The following CACNA2D3 variants were observed in gnomAD, a reference collection of about 807,000 sequenced individuals.
CACNA2D3 encodes calcium voltage-gated channel auxiliary subunit alpha2delta 3.
CACNA2D3 carries 60 observed loss-of-function variants against 160.6 expected under a neutral mutation model. The ratio of observed to expected loss-of-function variants is 0.37; its 90% CI spans 0.30 to 0.46. CACNA2D3 has a LOEUF of 0.46. Ranked by LOEUF, CACNA2D3 falls within the 20% of genes least tolerant of loss-of-function variation. The probability of loss-of-function intolerance (pLI) is 1.00; values close to 1 mark genes in which losing one functional copy is unlikely to be tolerated. For synonymous variants in CACNA2D3, 558 were observed against 492.9 expected, an observed-to-expected ratio of 1.13 and a Z score of -1.75; for missense variants, 1,205 against 1,365.0, an observed-to-expected ratio of 0.88 and a Z score of 1.85.
chr3:54,387,048 A>C (rs1297105715), intron 4 of CACNA2D3, among the ~76,000 whole-genome samples: 1 of 152,226 alleles, frequency 6.6e-6, no homozygotes, highest in Non-Finnish European at 1.5e-5. Flanking sequence ...CGGTCAACTG[A>C]CAATAATCAC....
chr3:54,939,213 G>C (rs773487944), intron 27 of CACNA2D3, among the ~76,000 whole-genome samples: 1 of 152,092 alleles, frequency 6.6e-6, no homozygotes, highest in Non-Finnish European at 1.5e-5. Context: ...TGCTTTACCT[G>C]GAAATGATCA....
chr3:55,038,554 A>G (rs1188710153), intron 35 of CACNA2D3, among the ~76,000 whole-genome samples: 1 of 152,122 alleles, frequency 6.6e-6, no homozygotes, highest in Non-Finnish European at 1.5e-5. Flanking sequence ...ACATATTAAT[A>G]TGCACTCACA....
intron 3 of CACNA2D3, among the ~76,000 whole-genome samples, chr3:54,362,663 G>A (rs530978276): frequency 2.6e-5 from 4 of 152,268 alleles, no homozygotes; most frequent in South Asian, 2.1e-4. Context: ...ATCCAGTGCC[G>A]ACAAAGCAGG....
At chr3:54,917,432 A>G (rs925060214) in intron 27 of CACNA2D3, among the ~76,000 whole-genome samples, 1 of 152,086 alleles carries the variant, frequency 6.6e-6, no homozygotes, top group African/African-American at 2.4e-5. Flanking sequence ...TCTTACTCCT[A>G]TCCCAGTGTG....
intron 11 of CACNA2D3, among the ~76,000 whole-genome samples, chr3:54,656,729 C>A (rs1395065712): frequency 1.3e-5 from 2 of 152,242 alleles, no homozygotes; most frequent in Non-Finnish European, 2.9e-5. Context: ...CTTCCCAATT[C>A]TCAGATGGAT....
intron 29 of CACNA2D3, among the ~76,000 whole-genome samples, chr3:54,970,761 C>G (rs1410731362): frequency 6.6e-6 from 1 of 151,374 alleles, no homozygotes; most frequent in Non-Finnish European, 1.5e-5. Context: ...CCATCCCATA[C>G]CCTCTGCCCC....
At chr3:54,687,545 G>C (rs1700490451) in intron 11 of CACNA2D3, among the ~76,000 whole-genome samples, 1 of 152,064 alleles carries the variant, frequency 6.6e-6, no homozygotes, top group African/African-American at 2.4e-5. Flanking sequence ...TTGATCTTCT[G>C]AAAGCTAGGT....
intron 4 of CACNA2D3, among the ~76,000 whole-genome samples, chr3:54,459,080 T>C (rs1341357407): frequency 6.6e-6 from 1 of 152,180 alleles, no homozygotes; most frequent in Non-Finnish European, 1.5e-5. Context: ...ATTTCATCCA[T>C]GTCCCTACAA....
At chr3:55,040,446 A>T (rs1559471350) in intron 35 of CACNA2D3, among the ~76,000 whole-genome samples, 1 of 152,206 alleles carries the variant, frequency 6.6e-6, no homozygotes, top group Non-Finnish European at 1.5e-5. Flanking sequence ...ATGACTCAGT[A>T]TTGTTTAAGA....
chr3:54,303,818 G>GTTTTTTGTTTTTTGTTT (rs59534343), intron 2 of CACNA2D3, among the ~76,000 whole-genome samples: 1 of 115,006 alleles, frequency 8.7e-6, no homozygotes, highest in African/African-American at 3.4e-5. Flanking sequence ...CTTTTTTTCT[G>GTTTTTTGTTTTTTGTTT]TTTTTTTTTT....
At chr3:54,849,751 G>T (rs1277718214) in intron 17 of CACNA2D3, among the ~76,000 whole-genome samples, 1 of 152,200 alleles carries the variant, frequency 6.6e-6, no homozygotes, top group African/African-American at 2.4e-5. Flanking sequence ...GTGAGTGTGA[G>T]TGTGGGGTTG....
chr3:54,635,599 T>G (rs1699353054), intron 10 of CACNA2D3, among the ~76,000 whole-genome samples: 1 of 152,012 alleles, frequency 6.6e-6, no homozygotes, highest in Non-Finnish European at 1.5e-5. Context: ...GGCTGTACCT[T>G]GTAGCATTCC....
intron 10 of CACNA2D3, 138 bp downstream of exon 10, chr3:54,628,014 T>C: frequency 1.5e-6 from 1 of 660,072 alleles, no homozygotes; most frequent in Non-Finnish European, 2.7e-6. Flanking sequence ...GGGCGGATCA[T>C]GAGGTCAGGA....
At chr3:54,942,462 C>A (rs147135877) in intron 27 of CACNA2D3, among the ~76,000 whole-genome samples, 6 of 152,326 alleles carry the variant, frequency 3.9e-5, no homozygotes, top group African/African-American at 1.2e-4. Context: ...AATCTTGAGG[C>A]TGGGACCTTG....
chr3:55,038,488 C>A (rs1340486093), intron 35 of CACNA2D3, among the ~76,000 whole-genome samples: 1 of 152,060 alleles, frequency 6.6e-6, no homozygotes, highest in Admixed American at 6.6e-5. Context: ...TTTGCATCTA[C>A]AGGTGTGAAC....
chr3:54,132,916 C>T (rs928508913), intron 2 of CACNA2D3, among the ~76,000 whole-genome samples: 5 of 152,046 alleles, frequency 3.3e-5, no homozygotes, highest in East Asian at 1.9e-4. Context: ...AGTTGAGAGG[C>T]CCAAATGAGA....
At chr3:54,131,289 G>A (rs1048542482) in intron 2 of CACNA2D3, among the ~76,000 whole-genome samples, 1 of 152,158 alleles carries the variant, frequency 6.6e-6, no homozygotes, top group Non-Finnish European at 1.5e-5. Flanking sequence ...CAGTGGCGGC[G>A]GCCTCTGTCA....
At chr3:54,353,686 C>T (rs1009862798) in intron 3 of CACNA2D3, among the ~76,000 whole-genome samples, 1 of 152,180 alleles carries the variant, frequency 6.6e-6, no homozygotes, top group Non-Finnish European at 1.5e-5. Context: ...CTTGTGGAAG[C>T]ATTCCCTTGT....
chr3:54,265,766 G>A (rs1036968858), intron 2 of CACNA2D3, among the ~76,000 whole-genome samples: 2 of 149,658 alleles, frequency 1.3e-5, no homozygotes, highest in Admixed American at 6.7e-5. Context: ...TTACATTTTG[G>A]TATGCATATG....
Sources: allele counts gnomAD v4.1 joint callset (sites outside exome capture counted in the v4.1 genomes callset), GRCh38; gene constraint gnomAD v4.1.1; transcripts MANE v1.5; gene names NCBI Gene and HGNC (gene_info 2026-07-23, HGNC 2026-07-21).